SPTLC3: variants seen among roughly 807,000 people sequenced by gnomAD.
The protein encoded by SPTLC3 is serine palmitoyltransferase 3.
In SPTLC3, 36 loss-of-function variants were observed where a neutral mutation model predicts 59.3. That is an observed-to-expected ratio of 0.61 (90% CI 0.47 to 0.80). SPTLC3 has a LOEUF of 0.80. Among genes scored for constraint, SPTLC3 ranks in the 30% least tolerant of loss-of-function variants. SPTLC3 has a pLI of 0.00. For synonymous variants in SPTLC3, 257 were observed against 240.8 expected (o/e 1.07, Z -0.62); for missense variants, 625 against 685.1 (o/e 0.91, Z 0.98).
At chr20:13,134,886 G>A (rs959714182) in intron 9 of SPTLC3, among the ~76,000 whole-genome samples, 24 of 152,170 alleles carry the variant, frequency 1.6e-4, no homozygotes, top group African/African-American at 5.8e-4. Flanking sequence ...AAACATCAAC[G>A]CTGCCCTCTC....
intron 9 of SPTLC3, among the ~76,000 whole-genome samples, chr20:13,147,332 A>G (rs1280056373): frequency 6.6e-6 from 1 of 152,182 alleles, no homozygotes; most frequent in Non-Finnish European, 1.5e-5. Flanking sequence ...GAAGCTTGTC[A>G]GTGCTAATGT....
chr20:13,132,334 G>A (rs765459953), intron 9 of SPTLC3, among the ~76,000 whole-genome samples: 3 of 151,534 alleles, frequency 2.0e-5, no homozygotes, highest in South Asian at 2.1e-4. Flanking sequence ...CCACCGCCAC[G>A]CCCAGCTAAT....
At chr20:13,159,016 T>C (rs2038836498) in intron 10 of SPTLC3, among the ~76,000 whole-genome samples, 1 of 152,214 alleles carries the variant, frequency 6.6e-6, no homozygotes, top group Non-Finnish European at 1.5e-5. Context: ...CACTCAGTAG[T>C]TAAGTTTTCC....
intron 1 of SPTLC3, among the ~76,000 whole-genome samples, chr20:13,014,230 G>A (rs1985405037): frequency 6.6e-6 from 1 of 152,224 alleles, no homozygotes; most frequent in African/African-American, 2.4e-5. Context: ...GAAAAAGGTT[G>A]TAAGGGATTG....
At chr20:13,097,523 C>T (rs1316070933) in intron 6 of SPTLC3, among the ~76,000 whole-genome samples, 2 of 152,110 alleles carry the variant, frequency 1.3e-5, no homozygotes, top group East Asian at 1.9e-4. Flanking sequence ...TCTGTCTCTA[C>T]AGCAGTGTTC....
chr20:13,048,253 T>C (rs1987318000), intron 1 of SPTLC3, among the ~76,000 whole-genome samples: 1 of 152,160 alleles, frequency 6.6e-6, no homozygotes, highest in African/African-American at 2.4e-5. Context: ...AAATTTGTCT[T>C]TCACCTGGTT....
At chr20:13,017,073 GT>G (rs1197164408) in intron 1 of SPTLC3, among the ~76,000 whole-genome samples, 1 of 152,168 alleles carries the variant, frequency 6.6e-6, no homozygotes, top group Non-Finnish European at 1.5e-5. Flanking sequence ...ACAAGATAAT[GT>G]TAGGCATGGG....
intron 6 of SPTLC3, among the ~76,000 whole-genome samples, chr20:13,097,975 T>A (rs938155353): frequency 6.6e-6 from 1 of 152,162 alleles, no homozygotes; most frequent in Admixed American, 6.5e-5. Context: ...ATAAGAATAG[T>A]GTATCAACAT....
At chr20:13,010,995 C>T (rs756296592) in intron 1 of SPTLC3, among the ~76,000 whole-genome samples, 4 of 152,120 alleles carry the variant, frequency 2.6e-5, no homozygotes, top group African/African-American at 7.2e-5. Context: ...TAAGAACGGT[C>T]GAAAACATCA....
At chr20:13,070,012 C>A (rs1988378769) in intron 2 of SPTLC3, among the ~76,000 whole-genome samples, 1 of 151,908 alleles carries the variant, frequency 6.6e-6, no homozygotes, top group South Asian at 2.1e-4. Flanking sequence ...ATAGAATAAT[C>A]CACAAAGCAG....
chr20:13,062,863 A>G (rs1014718249), intron 2 of SPTLC3, among the ~76,000 whole-genome samples: 1 of 152,210 alleles, frequency 6.6e-6, no homozygotes, highest in Admixed American at 6.5e-5. Flanking sequence ...TGGGAATGCC[A>G]TAATATACTT....
At chr20:13,037,466 C>T (rs932108933) in intron 1 of SPTLC3, among the ~76,000 whole-genome samples, 1 of 152,150 alleles carries the variant, frequency 6.6e-6, no homozygotes, top group Non-Finnish European at 1.5e-5. Flanking sequence ...CTTGTAAAGC[C>T]ACACTTGCAC....
At chr20:13,028,973 C>T (rs530226085) in intron 1 of SPTLC3, among the ~76,000 whole-genome samples, 78 of 152,306 alleles carry the variant, frequency 5.1e-4, no homozygotes, top group African/African-American at 1.8e-3. Context: ...CAGGGCAAGA[C>T]ATGCCTGTGC....
intron 7 of SPTLC3, among the ~76,000 whole-genome samples, chr20:13,116,801 G>A (rs965513709): frequency 3.3e-5 from 5 of 152,164 alleles, no homozygotes; most frequent in Non-Finnish European, 5.9e-5. Flanking sequence ...AAAAATGCAC[G>A]TTCTCAGCCC....
Position 13,144,776 on chromosome 20 carries a change from T to C in SPTLC3, c.1280-9227T>C, listed in dbSNP as rs2038468790. On this transcript the variant is annotated intron_variant, in intron 9 of 11. Coordinates refer to ENST00000399002, the MANE Select transcript of SPTLC3 (RefSeq NM_018327.4). Reference sequence around the variant, plus strand: ...CTATGTGTGTGTGTGTGTATATATATATACACAGATTTTTTTGAGACGGAG... The same window carrying C: ...CTATGTGTGTGTGTGTGTATATATACATACACAGATTTTTTTGAGACGGAG... Among the ~76,000 whole-genome samples, 3 of 152,224 alleles carry C rather than the reference T, an allele frequency of 2.0e-5. No homozygotes were observed. In the South Asian group the frequency reaches 6.2e-4, roughly 32 times the overall value.
At chr20:13,067,925 T>G (rs887074536) in intron 2 of SPTLC3, among the ~76,000 whole-genome samples, 1 of 152,226 alleles carries the variant, frequency 6.6e-6, no homozygotes, top group African/African-American at 2.4e-5. Flanking sequence ...ACAAGAGATA[T>G]GCTTCCAAAT....
rs1400067792 is a variant in SPTLC3 at position 13,168,150 on chromosome 20, T to C, written c.*3283T>C. On this transcript the variant is annotated 3_prime_UTR_variant, in exon 12 of 12. Transcript: ENST00000399002. Reference sequence around the variant, plus strand: ...ATTCCCTATAAGATGCCCATTTGCTTTGAATGTGGTATCTTTCTTTTCTTT... The same window carrying C: ...ATTCCCTATAAGATGCCCATTTGCTCTGAATGTGGTATCTTTCTTTTCTTT... The C allele has an allele frequency of 6.6e-6, 1 of 152,080 alleles. No individual in the cohort carries two copies. Among genetic ancestry groups the C allele is most frequent in the African/African-American group, 2.4e-5 (1 of 41,404 alleles). The allele number at this position is 152,080 out of a possible 1,614,324, so 9.4% of individuals were successfully genotyped here.
Position 13,042,921 on chromosome 20 carries a change from A to G in SPTLC3, c.118-6024A>G, listed in dbSNP as rs140877251. On this transcript the variant is annotated intron_variant, in intron 1 of 11. Transcript: ENST00000399002. ...CAGTTATGCTTTATTTCTACTGTGA[A>G]GATGATCTCTGAGGCTCTTTATGCC... Among the ~76,000 whole-genome samples the G allele has an allele frequency of 4.8e-3, 724 of 152,332 alleles. 2 individuals carry two copies. Among genetic ancestry groups the G allele is most frequent in the Admixed American group, 0.01 (160 of 15,302 alleles).
At chr20:13,059,148 TCTCCC>T (rs1987846812) in intron 2 of SPTLC3, among the ~76,000 whole-genome samples, 1 of 152,192 alleles carries the variant, frequency 6.6e-6, no homozygotes, top group Admixed American at 6.5e-5. Flanking sequence ...TGTTTACATA[TCTCCC>T]CTTTAATCTC....
Sources: gnomAD v4.1 joint callset for allele counts (sites outside exome capture counted in the v4.1 genomes callset) on GRCh38, gnomAD v4.1.1 for gene constraint, MANE v1.5 for transcripts, NCBI Gene and HGNC (gene_info 2026-07-23, HGNC 2026-07-21) for gene names.